The following PRKCE variants were observed in gnomAD, a reference collection of about 807,000 sequenced individuals.
PRKCE encodes protein kinase C epsilon type.
Under a neutral mutation model 85.4 loss-of-function variants are expected in PRKCE, and 16 were observed. That is an observed-to-expected ratio of 0.19 (90% confidence interval 0.13 to 0.28). PRKCE has a LOEUF of 0.28. PRKCE is among the 10% of genes least tolerant of loss of function. The pLI, the probability that PRKCE is intolerant of heterozygous loss-of-function variation, is 1.00. For missense variants in PRKCE, 573 were observed against 975.2 expected (o/e 0.59, Z 5.49); for synonymous variants, 388 against 371.5 (o/e 1.04, Z -0.51).
chr2:46,024,959 T>C (rs1706985509), intron 10 of PRKCE, among the ~76,000 whole-genome samples: 1 of 152,184 alleles, frequency 6.6e-6, no homozygotes. Flanking sequence ...TTTTATTCCC[T>C]TGGGAGAGCT....
intron 10 of PRKCE, among the ~76,000 whole-genome samples, chr2:46,020,240 C>T (rs1025291025): frequency 9.2e-5 from 14 of 151,996 alleles, no homozygotes; most frequent in South Asian, 2.1e-4. Flanking sequence ...ACCCAGTATG[C>T]GCTATTAGAG....
Position 45,916,324 on chromosome 2 carries a change from T to A in PRKCE, c.413-60105T>A, listed in dbSNP as rs561610408. 2.5e-3 allele frequency among the ~76,000 whole-genome samples: 379 copies of A among 151,522 alleles called. 2 individuals carry two copies. Among genetic ancestry groups the A allele is most frequent in the Non-Finnish European group, 4.3e-3 (290 of 67,878 alleles). On this transcript the variant is annotated intron_variant, in intron 2 of 14. Coordinates refer to ENST00000306156, the MANE Select transcript of PRKCE (RefSeq NM_005400.3). ...GTGTGAACACGGCTCACTGCAGTCC[T>A]GACCTCCTTATCTCAAGCAATCATC...
intron 10 of PRKCE, among the ~76,000 whole-genome samples, chr2:46,013,347 G>A (rs1705847409): frequency 6.6e-6 from 1 of 152,188 alleles, no homozygotes; most frequent in South Asian, 2.1e-4. Context: ...TAGATTGGGA[G>A]GTTATTCTAA....
At chr2:46,010,242 AG>A in intron 9 of PRKCE, 101 bp from the exon 10 acceptor site, 2 of 1,290,584 alleles carry the variant, frequency 1.5e-6, no homozygotes, top group Non-Finnish European at 2.1e-6. Context: ...TTAAAATTAA[AG>A]AAAAAACAGA....
chr2:45,728,159 G>A lies in PRKCE; in HGVS notation c.348+75711G>A, dbSNP rs1269578396. The stretch of plus-strand genomic sequence containing the variant: ...TCCACATCCTTTCAGAAAGTCCTTC[G>A]TATCCCATCAAGGGAGTAAGGTGAT... On this transcript the variant is annotated intron_variant, in intron 1 of 14. Coordinates refer to ENST00000306156, the MANE Select transcript of PRKCE (RefSeq NM_005400.3). 3.3e-5 allele frequency among the ~76,000 whole-genome samples: 5 copies of A among 152,060 alleles called. No homozygotes were observed. The East Asian group carries it at 7.7e-4, about 23-fold the overall frequency.
At chr2:45,817,583 A>T (rs1352799379) in intron 1 of PRKCE, among the ~76,000 whole-genome samples, 1 of 152,046 alleles carries the variant, frequency 6.6e-6, no homozygotes, top group African/African-American at 2.4e-5. Flanking sequence ...AGTCCCAGCT[A>T]CTCAGGAGGC....
chr2:45,926,494 G>T (rs960963089), intron 2 of PRKCE, among the ~76,000 whole-genome samples: 2 of 152,162 alleles, frequency 1.3e-5, no homozygotes, highest in African/African-American at 4.8e-5. Context: ...AGGAGGGGAT[G>T]TTGCCCTTAA....
chr2:46,022,910 C>T (rs1206951682), intron 10 of PRKCE, among the ~76,000 whole-genome samples: 1 of 151,292 alleles, frequency 6.6e-6, no homozygotes, highest in African/African-American at 2.4e-5. Flanking sequence ...GGTGAAATCC[C>T]GTCTCTACTA....
intron 1 of PRKCE, among the ~76,000 whole-genome samples, chr2:45,726,333 T>C (rs527443858): frequency 6.6e-6 from 1 of 152,334 alleles, no homozygotes; most frequent in Admixed American, 6.5e-5. Flanking sequence ...AACTTCATTG[T>C]CTTATTTTAA....
At chr2:45,751,873 A>T (rs1683597979) in intron 1 of PRKCE, among the ~76,000 whole-genome samples, 1 of 117,650 alleles carries the variant, frequency 8.5e-6, no homozygotes, top group Admixed American at 1.2e-4. Context: ...GCTGGAGTGC[A>T]GTGGCGGGAT....
At chr2:45,958,377 C>T (rs1451211690) in intron 2 of PRKCE, among the ~76,000 whole-genome samples, 6 of 151,184 alleles carry the variant, frequency 4.0e-5, no homozygotes, top group South Asian at 2.1e-4. Context: ...GGCGTGGTGG[C>T]GGGCGCCTGT....
At chr2:45,740,433 A>C (rs996716452) in intron 1 of PRKCE, among the ~76,000 whole-genome samples, 40 of 152,242 alleles carry the variant, frequency 2.6e-4, no homozygotes, top group African/African-American at 9.4e-4. Flanking sequence ...GGAGAGGAAA[A>C]GTCTGGCATT....
intron 14 of PRKCE, chr2:46,167,788 A>C (rs757216302): frequency 2.4e-5 from 3 of 126,540 alleles, no homozygotes; most frequent in African/African-American, 3.1e-5. Context: ...GACCATGCTT[A>C]CCACGTTGAC....
intron 11 of PRKCE, among the ~76,000 whole-genome samples, chr2:46,107,828 A>G (rs1164954500): frequency 6.6e-6 from 1 of 152,096 alleles, no homozygotes; most frequent in Admixed American, 6.5e-5. Context: ...ATCTTTTCCT[A>G]TCTTATTTGC....
intron 6 of PRKCE, among the ~76,000 whole-genome samples, chr2:45,987,235 T>A (rs957804504): frequency 6.6e-6 from 1 of 152,092 alleles, no homozygotes; most frequent in Admixed American, 6.6e-5. Context: ...CTCTTGCCCC[T>A]GCTCAAGGAA....
At chr2:45,843,088 C>T in intron 2 of PRKCE, 25 bp downstream of exon 2, 3 of 1,607,952 alleles carry the variant, frequency 1.9e-6, no homozygotes, top group Non-Finnish European at 2.6e-6. Context: ...CTTCTCATCC[C>T]TGTTTTCTTC....
intron 1 of PRKCE, among the ~76,000 whole-genome samples, chr2:45,694,119 C>T (rs1677954695): frequency 6.6e-6 from 1 of 151,204 alleles, no homozygotes; most frequent in Admixed American, 6.6e-5. Flanking sequence ...GCTTACACCT[C>T]AGCTCCAAGA....
At chr2:45,818,734 C>T (rs1357704851) in intron 1 of PRKCE, among the ~76,000 whole-genome samples, 3 of 152,172 alleles carry the variant, frequency 2.0e-5, no homozygotes, top group African/African-American at 7.2e-5. Flanking sequence ...GAGGTGGAGA[C>T]CTGTTTTTGA....
At chr2:45,744,413 T>TTTTCTTTCTTTC (rs1164620024) in intron 1 of PRKCE, among the ~76,000 whole-genome samples, 5 of 117,614 alleles carry the variant, frequency 4.3e-5, no homozygotes, top group African/African-American at 6.4e-5. Flanking sequence ...CTTTCTTTTC[T>TTTTCTTTCTTTC]TTTCTTTCTT....
Sources: allele counts gnomAD v4.1 joint callset (sites outside exome capture counted in the v4.1 genomes callset), GRCh38; gene constraint gnomAD v4.1.1; transcripts MANE v1.5; gene names NCBI Gene and HGNC (gene_info 2026-07-23, HGNC 2026-07-21).